Variants in TMEM108 observed in about 807,000 individuals in gnomAD.
TMEM108 encodes cancer/testis antigen 124.
Under a neutral mutation model 35.1 loss-of-function variants are expected in TMEM108, and 12 were observed. That is an observed-to-expected ratio of 0.34 (90% CI 0.22 to 0.55). The LOEUF (loss-of-function observed/expected upper bound fraction) is 0.55. TMEM108 is among the 20% of genes least tolerant of loss of function. TMEM108 has a pLI of 0.89. For synonymous variants in TMEM108, 287 were observed against 308.6 expected, an observed-to-expected ratio of 0.93 and a Z score of 0.73; for missense variants, 680 against 753.3, an observed-to-expected ratio of 0.90 and a Z score of 1.14.
At chr3:133,181,028 A>AAAAAC (rs1553744611) in intron 2 of TMEM108, among the ~76,000 whole-genome samples, 2 of 144,770 alleles carry the variant, frequency 1.4e-5, no homozygotes, top group African/African-American at 5.6e-5. Context: ...AAAAAAAAAA[A>AAAAAC]AAAAAAAAAA....
rs1389151204 is a variant in TMEM108, at chr3:133,186,486, T to C, written c.-46-42780T>C. Among the ~76,000 whole-genome samples the C allele has an allele frequency of 5.3e-5, 8 of 152,368 alleles. No individual in the cohort carries two copies. In the East Asian group the frequency reaches 1.5e-3, roughly 29 times the overall value. ...TTTTAAAAGGCATAGCATCAGCTAC[T>C]ATGCTGGGGTCAACTTTTAATATCC... On this transcript the variant is annotated intron_variant, in intron 2 of 5. Coordinates refer to ENST00000321871, the MANE Select transcript of TMEM108 (RefSeq NM_023943.4).
intron 3 of TMEM108, among the ~76,000 whole-genome samples, chr3:133,248,906 C>T (rs1946424719): frequency 1.3e-5 from 2 of 152,162 alleles, no homozygotes; most frequent in South Asian, 4.1e-4. Flanking sequence ...TTAAATTAGC[C>T]TTCATCTAGC....
At chr3:133,078,944 G>A (rs1576307251) in intron 2 of TMEM108, among the ~76,000 whole-genome samples, 1 of 152,270 alleles carries the variant, frequency 6.6e-6, no homozygotes, top group African/African-American at 2.4e-5. Context: ...GTGTTAAGAT[G>A]CTTAAAACAT....
chr3:133,065,284 C>CCACA (rs57783382), intron 2 of TMEM108, among the ~76,000 whole-genome samples: 82 of 149,942 alleles, frequency 5.5e-4, no homozygotes, highest in Non-Finnish European at 6.7e-4. Context: ...ACATAGGTAG[C>CCACA]CACACACACA....
chr3:133,182,371 T>A (rs1219101174), intron 2 of TMEM108, among the ~76,000 whole-genome samples: 1 of 152,178 alleles, frequency 6.6e-6, no homozygotes, highest in Admixed American at 6.6e-5. Flanking sequence ...AGTAGGTTCT[T>A]TTTAAAAACC....
intron 3 of TMEM108, among the ~76,000 whole-genome samples, chr3:133,301,277 C>T (rs1488685228): frequency 6.6e-6 from 1 of 152,160 alleles, no homozygotes; most frequent in East Asian, 1.9e-4. Flanking sequence ...TATACAACAG[C>T]AGCATGTATT....
intron 2 of TMEM108, among the ~76,000 whole-genome samples, chr3:133,054,427 T>C (rs781665389): frequency 1.7e-4 from 26 of 152,192 alleles, no homozygotes; most frequent in Admixed American, 1.5e-3. Context: ...ACAGGAATAA[T>C]GGCTAGGTGA....
chr3:133,068,246 C>A (rs1055551437), intron 2 of TMEM108, among the ~76,000 whole-genome samples: 1 of 152,102 alleles, frequency 6.6e-6, no homozygotes, highest in Non-Finnish European at 1.5e-5. Flanking sequence ...CCAAGGAAGG[C>A]CTCTCAGGCA....
chr3:133,084,925 G>C (rs1312599189), intron 2 of TMEM108, among the ~76,000 whole-genome samples: 1 of 152,158 alleles, frequency 6.6e-6, no homozygotes, highest in Non-Finnish European at 1.5e-5. Context: ...TGAGTGGGTG[G>C]TGGGTTTGAG....
chr3:133,159,034 C>T (rs1415371806), intron 2 of TMEM108, among the ~76,000 whole-genome samples: 1 of 152,136 alleles, frequency 6.6e-6, no homozygotes, highest in Non-Finnish European at 1.5e-5. Flanking sequence ...GATGAATCAC[C>T]CAGAGAAGGA....
chr3:133,369,102 T>C (rs909646508), intron 3 of TMEM108, among the ~76,000 whole-genome samples: 2 of 152,164 alleles, frequency 1.3e-5, no homozygotes, highest in African/African-American at 4.8e-5. Context: ...AAAGCCAAGA[T>C]TGAACGCAAA....
chr3:133,185,472 G>A (rs1016415828), intron 2 of TMEM108, among the ~76,000 whole-genome samples: 3 of 150,020 alleles, frequency 2.0e-5, no homozygotes, highest in African/African-American at 4.9e-5. Context: ...GGCTTCTCCC[G>A]TTCTATGCTC....
chr3:133,387,160 G>C (rs1251257369), intron 4 of TMEM108: 6 of 985,298 alleles, frequency 6.1e-6, no homozygotes, highest in Non-Finnish European at 7.2e-6. Flanking sequence ...GAGGATGTTG[G>C]GAGAACAAGA....
intron 2 of TMEM108, among the ~76,000 whole-genome samples, chr3:133,089,365 A>G (rs1183956614): frequency 6.6e-6 from 1 of 152,202 alleles, no homozygotes; most frequent in Non-Finnish European, 1.5e-5. Context: ...ATTTTAATAT[A>G]TTAGCATATT....
intron 3 of TMEM108, among the ~76,000 whole-genome samples, chr3:133,277,148 A>G (rs536143301): frequency 6.6e-6 from 1 of 152,178 alleles, no homozygotes; most frequent in Non-Finnish European, 1.5e-5. Context: ...AGTTCCTATA[A>G]AGGACATTAT....
rs148108478 is a variant in TMEM108 at position 133,288,338 on chromosome 3, G to A, written c.40+58987G>A. On this transcript the variant is annotated intron_variant, in intron 3 of 5. Coordinates refer to ENST00000321871, the MANE Select transcript of TMEM108 (RefSeq NM_023943.4). ...GCAGGAGTTAAGATAGATGGATGTG[G>A]CCTTAAGCTTTCCCTCACCCAAAGA... Among the ~76,000 whole-genome samples, 425 of 152,310 alleles carry A rather than the reference G, an allele frequency of 2.8e-3. 3 individuals are homozygous for A. The highest frequency in any genetic ancestry group is 9.7e-3 in the African/African-American group (404 of 41,558).
At chr3:133,050,978 G>GTTT (rs58955436) in intron 2 of TMEM108, among the ~76,000 whole-genome samples, 13 of 145,420 alleles carry the variant, frequency 8.9e-5, no homozygotes, top group Admixed American at 2.0e-4. Context: ...CTGTGTGCGA[G>GTTT]TTTTTTTTTT....
intron 3 of TMEM108, among the ~76,000 whole-genome samples, chr3:133,244,504 C>T (rs1261110944): frequency 6.6e-6 from 1 of 152,156 alleles, no homozygotes; most frequent in Non-Finnish European, 1.5e-5. Flanking sequence ...GTCATATGCC[C>T]CTGGGTTAGA....
In TMEM108 at chr3:133,207,593, A is replaced by G. The variant is rs137897641; in HGVS notation, c.-46-21673A>G. The stretch of plus-strand genomic sequence containing the variant: ...GTTGTTCCAGGATTTAATTATTTAA[A>G]TCAATTCTGACTGCCTTTGTTTAGA... On this transcript the variant is annotated intron_variant, in intron 2 of 5. Transcript: ENST00000321871. Among the ~76,000 whole-genome samples the G allele has an allele frequency of 3.3e-3, 499 of 152,278 alleles. 3 individuals are homozygous for G. The highest frequency in any genetic ancestry group is 0.011 in the African/African-American group (471 of 41,548).
Sources: allele counts gnomAD v4.1 joint callset (sites outside exome capture counted in the v4.1 genomes callset), GRCh38; gene constraint gnomAD v4.1.1; transcripts MANE v1.5; gene names NCBI Gene and HGNC (gene_info 2026-07-23, HGNC 2026-07-21).